EPHA1: variants seen among roughly 807,000 people sequenced by gnomAD.
The protein encoded by EPHA1 is ephrin type-A receptor 1.
In EPHA1, 92 loss-of-function variants were observed where a neutral mutation model predicts 110.1. The ratio of observed to expected loss-of-function variants is 0.84; its 90% CI spans 0.71 to 0.99. The LOEUF is 0.99. Ranked by LOEUF, EPHA1 falls within the 50% of genes least tolerant of loss-of-function variation. The probability of loss-of-function intolerance (pLI) is 0.00; values close to 1 mark genes in which losing one functional copy is unlikely to be tolerated. For missense variants in EPHA1, 1,204 were observed against 1,285.4 expected, an observed-to-expected ratio of 0.94 and a Z score of 0.97; for synonymous variants, 500 against 516.1, an observed-to-expected ratio of 0.97 and a Z score of 0.42.
Position 143,396,486 on chromosome 7 carries a change from T to C in EPHA1, c.1796A>G (p.Tyr599Cys). 3.7e-6 allele frequency: 6 copies of C among 1,613,906 alleles called. No individual in the cohort carries two copies. The highest frequency in any genetic ancestry group is 5.1e-6 in the Non-Finnish European group (6 of 1,179,926). Reference sequence around the variant, plus strand: ...GTCCTCGTATGCCTGGAGGTCCACATAAGGCTTCAGCCACAGCTTGTCCTC... The same window carrying C: ...GTCCTCGTATGCCTGGAGGTCCACACAAGGCTTCAGCCACAGCTTGTCCTC... ...DREDKLWLKP[Y>C]VDLQAYEDPA... is the part of the protein sequence containing the mutation. The change falls in exon 11 of 18, where the codon TAT (tyrosine) becomes TGT (cysteine). Residue 599 changes from tyrosine (Y) to cysteine (C), a missense_variant. Physicochemically the swap from Tyr to Cys is radical, Grantham distance 194. Coordinates refer to ENST00000275815, the MANE Select transcript of EPHA1 (RefSeq NM_005232.5).
chr7:143,400,600 G>GAATT (rs34609942), intron 3 of EPHA1, among the ~76,000 whole-genome samples: 1 of 152,154 alleles, frequency 6.6e-6, no homozygotes, highest in Admixed American at 6.5e-5. Flanking sequence ...AGCCTGCAGG[G>GAATT]AATTGTCTTG....
intron 1 of EPHA1, among the ~76,000 whole-genome samples, chr7:143,408,498 C>A (rs1446354820): frequency 6.6e-6 from 1 of 152,006 alleles, no homozygotes; most frequent in East Asian, 1.9e-4. Flanking sequence ...AGATTGCTGG[C>A]CTGCGGGAGT....
At position 143,399,758 on chromosome 7, in the gene EPHA1, C is replaced by T. The variant is rs912785967; in HGVS notation, c.728G>A (p.Gly243Asp). 6.2e-7 allele frequency: 1 copy of T among 1,613,568 alleles called. No homozygotes were observed. Among genetic ancestry groups the T allele is most frequent in the Non-Finnish European group, 8.5e-7 (1 of 1,179,936 alleles). ...PHARASPRPS[G>D]APRMHCSPDG... ...AGGGCTGCAGTGCATGCGGGGTGCA[C>T]CTGAGGGCCTGGGGCTGGCCCGCGC... Residue 243 changes from glycine to aspartate, a missense_variant, in exon 4 of 18, where the codon GGT becomes GAT. Gly to Asp is a moderately conservative substitution (Grantham distance 94, BLOSUM62 -1). Transcript: ENST00000275815.
intron 9 of EPHA1, 55 bp from the exon 10 acceptor site, chr7:143,397,417 G>A (rs372400722): frequency 1.5e-4 from 236 of 1,550,994 alleles, no homozygotes; most frequent in Non-Finnish European, 1.9e-4. Flanking sequence ...TCAGGGGTCC[G>A]AGGGACTCTG....
chr7:143,396,255 C>T lies in EPHA1; in HGVS notation c.1897+130G>A. On this transcript the variant is annotated intron_variant, in intron 11 of 17. Transcript: ENST00000275815. ...GATACAGAGCAGAGCAGAGTGAGTA[C>T]CTCTGGAAACTCTTGGACCAGAGAA... 3.9e-6 allele frequency: 5 copies of T among 1,267,766 alleles called. No homozygotes were observed. The South Asian group carries it at 7.4e-5, about 19-fold the overall frequency. The allele number at this position is 1,267,766 out of a possible 1,614,324, so 78.5% of individuals were successfully genotyped here. A position where few individuals can be genotyped will look rare whatever the true frequency, so the allele number is the denominator to read the frequency against.
rs147967727 is a variant in EPHA1 at position 143,406,766 on chromosome 7, C to T, written c.150+845G>A. Among the ~76,000 whole-genome samples, 1,065 of 152,308 alleles carry T rather than the reference C, an allele frequency of 7.0e-3. 12 individuals carry two copies. The highest frequency in any genetic ancestry group is 0.024 in the Middle Eastern group (7 of 294). On this transcript the variant is annotated intron_variant, in intron 2 of 17. Transcript: ENST00000275815. ...ACTGCAGGCGGGAGGAATCCCTACA[C>T]GCATTTTGGTGACCACAGGTCACCG...
chr7:143,408,617 C>T, intron 1 of EPHA1, 107 bp downstream of exon 1: 1 of 253,194 alleles, frequency 3.9e-6, no homozygotes. Context: ...GCGAGGGTCT[C>T]GGGGAACATG....
Position 143,391,783 on chromosome 7 carries a change from A to G in EPHA1, c.2697-8T>C, listed in dbSNP as rs747918355. 2 of 1,613,202 alleles carry G rather than the reference A, an allele frequency of 1.2e-6. No individual in the cohort carries two copies. The highest frequency in any genetic ancestry group is 3.3e-5 in the Admixed American group (2 of 60,008). On this transcript the variant is annotated splice_region_variant and splice_polypyrimidine_tract_variant and intron_variant, in intron 16 of 17. Transcript: ENST00000275815. ...GGCAGGCGAAGAGTCATCCTGTGGG[A>G]CATGGGCATGTCAGTCACAGCGGGT...
rs755739038 is a variant in EPHA1, at chr7:143,401,588, CT to C, written c.167del (p.Gln56ArgfsTer3). ...TGTACAGGGGTGTCCCATTCAGTAT[CT>C]GTTGCTGTTCACTCCACTGCAAGGA... ...PPKDGWSEQQ[Q>X]ILNGTPLYMY... On this transcript the variant is annotated frameshift_variant, in exon 3 of 18. Transcript: ENST00000275815. LOFTEE classifies it high-confidence loss of function. This position sits in a 1 kb window ranked among gnomAD's most constrained non-coding sequence, Gnocchi z 4.1. 6.0e-5 allele frequency: 97 copies of C among 1,612,798 alleles called. No individual in the cohort carries two copies. The highest frequency in any genetic ancestry group is 1.2e-4 in the Admixed American group (7 of 59,990).
intron 3 of EPHA1, among the ~76,000 whole-genome samples, chr7:143,400,507 T>A (rs1004840132): frequency 5.9e-5 from 9 of 152,202 alleles, no homozygotes; most frequent in Non-Finnish European, 1.2e-4. Context: ...CAAGAGCATA[T>A]CCTATCATAA....
Position 143,401,237 on chromosome 7 carries a change from T to A in EPHA1, c.432+87A>T, listed in dbSNP as rs1334511269. 2.6e-6 allele frequency: 4 copies of A among 1,518,650 alleles called. No individual in the cohort carries two copies. The highest frequency in any genetic ancestry group is 3.6e-6 in the Non-Finnish European group (4 of 1,124,978). The allele number at this position is 1,518,650 out of a possible 1,614,324, so 94.1% of individuals were successfully genotyped here. ...TCAAGATTCTACCTCTGCACCCTCTTCCTGTCTCTGCAACCTTCTCTGGCA... is the reference window on the plus strand; with the variant it reads ...TCAAGATTCTACCTCTGCACCCTCTACCTGTCTCTGCAACCTTCTCTGGCA... On this transcript the variant is annotated intron_variant, in intron 3 of 17. Coordinates refer to ENST00000275815, the MANE Select transcript of EPHA1 (RefSeq NM_005232.5). The surrounding 1 kb of genome is among the most constrained non-coding windows in gnomAD (Gnocchi z 4.1).
Position 143,399,730 on chromosome 7 carries a change from A to T in EPHA1, c.756T>A (p.Asp252Glu). 1 of 1,613,964 alleles carries T rather than the reference A, an allele frequency of 6.2e-7. No individual in the cohort carries two copies. The highest frequency in any genetic ancestry group is 8.5e-7 in the Non-Finnish European group (1 of 1,180,036). Residue 252 changes from aspartate to glutamate, a missense_variant, in exon 4 of 18, where the codon GAT becomes GAA. Asp to Glu is a conservative substitution (Grantham distance 45). Coordinates refer to ENST00000275815, the MANE Select transcript of EPHA1 (RefSeq NM_005232.5). ...GTCCTACAGGCACCAGCCACTCGCC[A>T]TCAGGGCTGCAGTGCATGCGGGGTG... is the stretch of plus-strand genomic sequence containing the variant. ...SGAPRMHCSP[D>E]GEWLVPVGRC...
At position 143,407,689 on chromosome 7, in the gene EPHA1, G is replaced by A; in HGVS notation, c.83-11C>T. The A allele has an allele frequency of 6.2e-7, 1 of 1,612,904 alleles. No individual in the cohort carries two copies. ...TGTCCATCAGAGTAACTGAAAGTGG[G>A]GAGAAAAGAAGTCTGTCACCTCTGG... On this transcript the variant is annotated splice_polypyrimidine_tract_variant and intron_variant, in intron 1 of 17. Transcript: ENST00000275815.
Position 143,407,673 on chromosome 7 carries a change from G to T in EPHA1, c.88C>A (p.Leu30Met). Residue 30 changes from leucine to methionine, a missense_variant, in exon 2 of 18, where the codon CTG becomes ATG. Coordinates refer to ENST00000275815, the MANE Select transcript of EPHA1 (RefSeq NM_005232.5). ...CCCTGTGCCTTGCTTGTGTCCATCAGAGTAACTGAAAGTGGGGAGAAAAGA... is the reference window on the plus strand; with the variant it reads ...CCCTGTGCCTTGCTTGTGTCCATCATAGTAACTGAAAGTGGGGAGAAAAGA... Reference protein sequence around the residue: ...PPGARAKEVTLMDTSKAQGEL... With the variant: ...PPGARAKEVTMMDTSKAQGEL... 6.2e-7 allele frequency: 1 copy of T among 1,613,262 alleles called. No individual in the cohort carries two copies. Among genetic ancestry groups the T allele is most frequent in the Non-Finnish European group, 8.5e-7 (1 of 1,179,600 alleles).
chr7:143,401,589 T>C lies in EPHA1; in HGVS notation c.167A>G (p.Gln56Arg). 1 of 1,612,680 alleles carries C rather than the reference T, an allele frequency of 6.2e-7. No individual in the cohort carries two copies. Among genetic ancestry groups the C allele is most frequent in the Non-Finnish European group, 8.5e-7 (1 of 1,178,790 alleles). The part of the protein sequence containing the change: ...PPKDGWSEQQ[Q>R]ILNGTPLYMY... ...GTACAGGGGTGTCCCATTCAGTATCTGTTGCTGTTCACTCCACTGCAAGGA... is the reference window on the plus strand; with the variant it reads ...GTACAGGGGTGTCCCATTCAGTATCCGTTGCTGTTCACTCCACTGCAAGGA... The change falls in exon 3 of 18, where the codon CAG becomes CGG. Residue 56 changes from glutamine (Q) to arginine (R), a missense_variant. Coordinates refer to ENST00000275815, the MANE Select transcript of EPHA1 (RefSeq NM_005232.5). This position sits in a 1 kb window ranked among gnomAD's most constrained non-coding sequence, Gnocchi z 4.1.
chr7:143,397,382 G>C lies in EPHA1; in HGVS notation c.1713-20C>G. 1 of 1,549,344 alleles carries C rather than the reference G, an allele frequency of 6.5e-7. No homozygotes were observed. Among genetic ancestry groups the C allele is most frequent in the South Asian group, 1.2e-5 (1 of 84,106 alleles). ...GCTCTCCTGTGGGGGTTGGGGACCA[G>C]CTCCTTCAGGGCCCCAGGACCACCT... On this transcript the variant is annotated intron_variant, in intron 9 of 17. Coordinates refer to ENST00000275815, the MANE Select transcript of EPHA1 (RefSeq NM_005232.5).
Position 143,391,481 on chromosome 7 carries a change from G to A in EPHA1, c.2907C>T (p.Cys969=). 6.2e-7 allele frequency: 1 copy of A among 1,614,148 alleles called. No homozygotes were observed. Among genetic ancestry groups the A allele is most frequent in the Non-Finnish European group, 8.5e-7 (1 of 1,180,022 alleles). Residue 969 remains cysteine, a synonymous_variant, in exon 18 of 18, where the codon TGC becomes TGT. Coordinates refer to ENST00000275815, the MANE Select transcript of EPHA1 (RefSeq NM_005232.5). ...TLPGHQKRIL[C]SIQGFKD is the part of the protein sequence containing the mutation. ...ATCAGTCCTTGAATCCCTGAATACT[G>A]CAAAGAATGCGCTTCTGGTGCCCGG... is the stretch of plus-strand genomic sequence containing the variant.
Position 143,398,812 on chromosome 7 carries a change from G to C in EPHA1, c.1125C>G (p.Gly375=), listed in dbSNP as rs777109975. ...RYSVRCSQCQ[G]TAQDGGPCQP... ...GGCAGGGCCCCCCGTCCTGTGCTGT[G>C]CCCTGACACTGGGAACACCTCACAC... Residue 375 remains glycine, a synonymous_variant, in exon 6 of 18, where the codon GGC becomes GGG. Coordinates refer to ENST00000275815, the MANE Select transcript of EPHA1 (RefSeq NM_005232.5). 6.2e-7 allele frequency: 1 copy of C among 1,613,518 alleles called. No individual in the cohort carries two copies. Among genetic ancestry groups the C allele is most frequent in the Admixed American group, 1.7e-5 (1 of 60,012 alleles).
Position 143,393,949 on chromosome 7 carries a change from C to T in EPHA1, c.2503-85G>A. 6.9e-7 allele frequency: 1 copy of T among 1,440,932 alleles called. No homozygotes were observed. Among genetic ancestry groups the T allele is most frequent in the Admixed American group, 2.3e-5 (1 of 43,604 alleles). The allele number at this position is 1,440,932 out of a possible 1,614,324, so 89.3% of individuals were successfully genotyped here. On this transcript the variant is annotated intron_variant, in intron 15 of 17. Transcript: ENST00000275815. The surrounding 1 kb of genome is among the most constrained non-coding windows in gnomAD (Gnocchi z 5.6). ...AACCGACGGTCACACAAGATAATTG[C>T]AGTGGAGATCCTAGGATGGGAGGAG...
Sources: gnomAD v4.1 joint callset for allele counts (sites outside exome capture counted in the v4.1 genomes callset) on GRCh38, gnomAD v4.1.1 for gene constraint, Gnocchi (gnomAD v3.1) non-coding constraint, MANE v1.5 for transcripts, NCBI Gene and HGNC (gene_info 2026-07-23, HGNC 2026-07-21) for gene names.